WNK2: variants seen among roughly 807,000 people sequenced by gnomAD.
WNK2 encodes serine/threonine-protein kinase WNK2.
A neutral mutation model predicts 192.1 loss-of-function variants in WNK2; 67 were observed. The ratio of observed to expected loss-of-function variants is 0.35; its 90% confidence interval spans 0.29 to 0.43. The LOEUF is 0.43. Ranked by LOEUF, WNK2 falls within the 20% of genes least tolerant of loss-of-function variation. The pLI, the probability that WNK2 is intolerant of heterozygous loss-of-function variation, is 1.00. For synonymous variants in WNK2, 1,439 were observed against 1,393.9 expected, an observed-to-expected ratio of 1.03 and a Z score of -0.72; for missense variants, 2,698 against 3,089.7, an observed-to-expected ratio of 0.87 and a Z score of 3.01.
At chr9:93,309,625 T>TCA (rs1250854140) in intron 28 of WNK2, among the ~76,000 whole-genome samples, 1 of 152,252 alleles carries the variant, frequency 6.6e-6, no homozygotes, top group Non-Finnish European at 1.5e-5. Flanking sequence ...CTTCGCTCTT[T>TCA]CTCTCTCTTT....
rs775001251 is a variant in WNK2 at position 93,300,684 on chromosome 9, G to A, written c.6214+535G>A. Among the ~76,000 whole-genome samples the A allele has an allele frequency of 1.4e-4, 21 of 152,282 alleles. 1 individual carries two copies. The Middle Eastern group carries it at 0.017, about 123-fold the overall frequency. ...ACGGTTCTAAAGGTCACTGGAGGGC[G>A]TGGTTTCTGTACCAGGGCCAAATCC... On this transcript the variant is annotated intron_variant, in intron 26 of 29. Transcript: ENST00000427277.
chr9:93,255,112 A>G (rs1843098450), intron 9 of WNK2, among the ~76,000 whole-genome samples: 1 of 152,330 alleles, frequency 6.6e-6, no homozygotes, highest in African/African-American at 2.4e-5. Context: ...CCTGAGTCTC[A>G]GTCTTCCTAC....
At chr9:93,251,411 C>G (rs1842581368) in intron 8 of WNK2, among the ~76,000 whole-genome samples, 1 of 152,122 alleles carries the variant, frequency 6.6e-6, no homozygotes, top group African/African-American at 2.4e-5. Flanking sequence ...GCCACCATGC[C>G]CGGCACATAT....
At chr9:93,248,935 T>C (rs191399134) in intron 8 of WNK2, among the ~76,000 whole-genome samples, 3 of 152,356 alleles carry the variant, frequency 2.0e-5, no homozygotes, top group Non-Finnish European at 2.9e-5. Flanking sequence ...CTGTTTAATT[T>C]ATTTAATATG....
chr9:93,194,876 A>G (rs1830953505), intron 2 of WNK2, among the ~76,000 whole-genome samples: 1 of 152,356 alleles, frequency 6.6e-6, no homozygotes, highest in South Asian at 2.1e-4. Context: ...ATTTAGTGCT[A>G]AAAGAAATGA....
chr9:93,229,661 T>G lies in WNK2; in HGVS notation c.682-35T>G, dbSNP rs770681934. 11 of 1,598,744 alleles carry G rather than the reference T, an allele frequency of 6.9e-6. No individual in the cohort carries two copies. The highest frequency in any genetic ancestry group is 1.3e-5 in the African/African-American group (1 of 74,586). On this transcript the variant is annotated intron_variant, in intron 2 of 29. Coordinates refer to ENST00000427277, the MANE Select transcript of WNK2 (RefSeq NM_006648.4). The surrounding 1 kb of genome is among the most constrained non-coding windows in gnomAD (Gnocchi z 4.9). The stretch of plus-strand genomic sequence containing the variant: ...CCACCGTGTCCCCTTCTGTGTCCCA[T>G]CTCTTGCCCACTTAGCATGTCTCTT...
rs775960897 is a variant in WNK2, at chr9:93,288,765, G to C, written c.4034-23G>C. On this transcript the variant is annotated intron_variant, in intron 19 of 29. Transcript: ENST00000427277. ...TAGGACTGGAGTACCCTGGTACAAA[G>C]GCATTTTCCCCATTTCTTCTAGATT... 50 of 1,591,110 alleles carry C rather than the reference G, an allele frequency of 3.1e-5. No individual in the cohort carries two copies. In the Admixed American group the frequency reaches 8.6e-4, roughly 27 times the overall value.
intron 2 of WNK2, among the ~76,000 whole-genome samples, chr9:93,201,123 T>G (rs964024724): frequency 1.3e-5 from 2 of 152,186 alleles, no homozygotes; most frequent in Non-Finnish European, 2.9e-5. Flanking sequence ...CCACCCATCC[T>G]TTCCATCCTG....
chr9:93,233,463 A>G (rs1208446683), intron 4 of WNK2, among the ~76,000 whole-genome samples: 2 of 152,168 alleles, frequency 1.3e-5, no homozygotes, highest in African/African-American at 4.8e-5. Context: ...TGGGAGGCTG[A>G]GGCGGGCGGA....
Position 93,299,243 on chromosome 9 carries a change from G to A in WNK2, c.6097G>A (p.Gly2033Ser). The A allele has an allele frequency of 1.3e-6, 2 of 1,574,644 alleles. No individual in the cohort carries two copies. The highest frequency in any genetic ancestry group is 1.1e-5 in the South Asian group (1 of 87,516). ...DICSGLASDG[G>S]GARGQGWTVY... ...CTGCTCCGGCTTAGCCAGTGATGGA[G>A]GCGGAGCGCGTGGCCAAGGTGATTT... Residue 2033 changes from glycine (G) to serine (S), a missense_variant, in exon 25 of 30, where the codon GGC becomes AGC. By Grantham distance (56) the Gly-to-Ser change is moderately conservative. Around this residue, in one of 7 missense-constraint regions of WNK2, gnomAD observed 1,098 missense variants for 1,101.0 expected, o/e 1.00. Transcript: ENST00000427277.
Position 93,276,886 on chromosome 9 carries a change from A to G in WNK2, c.4033+8140A>G, listed in dbSNP as rs139044237. Among the ~76,000 whole-genome samples, 708 of 152,234 alleles carry G rather than the reference A, an allele frequency of 4.7e-3. 2 individuals are homozygous for G. Among genetic ancestry groups the G allele is most frequent in the Non-Finnish European group, 5.7e-3 (385 of 68,006 alleles). On this transcript the variant is annotated intron_variant, in intron 19 of 29. Coordinates refer to ENST00000427277, the MANE Select transcript of WNK2 (RefSeq NM_006648.4). The stretch of plus-strand genomic sequence containing the variant: ...CCCCATCTCTACTAAAAATACAAAA[A>G]TTAGCCGGCCGTGGTGGCGGGCACC...
At chr9:93,300,309 C>T (rs977484855) in intron 26 of WNK2, 160 bp downstream of exon 26, 22 of 602,364 alleles carry the variant, frequency 3.7e-5, no homozygotes, top group Non-Finnish European at 5.1e-5. Flanking sequence ...ATGAGCCGGT[C>T]CCCTGGAGCG....
At chr9:93,275,816 A>G (rs1846774995) in intron 19 of WNK2, among the ~76,000 whole-genome samples, 1 of 152,250 alleles carries the variant, frequency 6.6e-6, no homozygotes, top group Non-Finnish European at 1.5e-5. Context: ...CTGGCAGTGA[A>G]CAATTGAAAA....
chr9:93,245,362 T>C (rs1048683699), intron 7 of WNK2, among the ~76,000 whole-genome samples: 4 of 152,196 alleles, frequency 2.6e-5, no homozygotes, highest in African/African-American at 4.8e-5. Flanking sequence ...AGTGACACCA[T>C]CACAAGTCCT....
In WNK2 at chr9:93,289,193, C is replaced by CT; in HGVS notation, c.4440dup (p.Glu1481Ter). On this transcript the variant is annotated frameshift_variant, in exon 20 of 30. Transcript: ENST00000427277. LOFTEE classifies it high-confidence loss of function. ...AGGGAGCCCCTGCCACCTCCTGCAC[C>CT]TGAGCCCAGCCCCCACAGCGGGACC... 3 of 1,602,322 alleles carry CT rather than the reference C, an allele frequency of 1.9e-6. No homozygotes were observed. Among genetic ancestry groups the CT allele is most frequent in the Non-Finnish European group, 2.5e-6 (3 of 1,176,856 alleles).
chr9:93,296,905 A>C (rs1219848566), intron 23 of WNK2, among the ~76,000 whole-genome samples: 55 of 16,202 alleles, frequency 3.4e-3, no homozygotes, highest in Non-Finnish European at 4.1e-3. Flanking sequence ...CCTTCAGCCT[A>C]CTCCCCTCCC....
intron 19 of WNK2, among the ~76,000 whole-genome samples, chr9:93,271,600 A>G (rs1416841835): frequency 6.6e-6 from 1 of 152,244 alleles, no homozygotes; most frequent in Non-Finnish European, 1.5e-5. Context: ...GAAAGTTAAA[A>G]TACCTGAAAT....
intron 7 of WNK2, among the ~76,000 whole-genome samples, chr9:93,245,972 G>A (rs1841605048): frequency 6.6e-6 from 1 of 152,184 alleles, no homozygotes; most frequent in Non-Finnish European, 1.5e-5. Flanking sequence ...AGGAAAGGGA[G>A]GCAAAGAGAC....
At chr9:93,210,022 G>A (rs1017346187) in intron 2 of WNK2, among the ~76,000 whole-genome samples, 1 of 152,156 alleles carries the variant, frequency 6.6e-6, no homozygotes, top group African/African-American at 2.4e-5. Context: ...GGGAGTTGGG[G>A]GTTCCCCTCT....
Sources: gnomAD v4.1 joint callset for allele counts (sites outside exome capture counted in the v4.1 genomes callset) on GRCh38, gnomAD v4.1.1 for gene constraint, gnomAD v4.1.1 regional missense constraint, Gnocchi (gnomAD v3.1) non-coding constraint, MANE v1.5 for transcripts, NCBI Gene and HGNC (gene_info 2026-07-23, HGNC 2026-07-21) for gene names.